The following NCOA6 variants were observed in gnomAD, a reference collection of about 807,000 sequenced individuals.
NCOA6 encodes the protein NRC RAP250.
A neutral mutation model predicts 171.4 loss-of-function variants in NCOA6; 49 were observed. That is an observed-to-expected ratio of 0.29 (90% CI 0.23 to 0.36). The LOEUF (loss-of-function observed/expected upper bound fraction) is 0.36. NCOA6 is among the 10% of genes least tolerant of loss of function. NCOA6 has a pLI of 1.00. For synonymous variants in NCOA6, 910 were observed against 927.5 expected, an observed-to-expected ratio of 0.98 and a Z score of 0.34; for missense variants, 2,248 against 2,554.5, an observed-to-expected ratio of 0.88 and a Z score of 2.59.
At chr20:34,759,853 A>G (rs2076764295) in intron 5 of NCOA6, among the ~76,000 whole-genome samples, 2 of 152,212 alleles carry the variant, frequency 1.3e-5, no homozygotes, top group Admixed American at 6.5e-5. Context: ...ATTTTACTAG[A>G]TATTGGTAAA....
At position 34,793,041 on chromosome 20, in the gene NCOA6, C is replaced by A. The variant is rs141379857; in HGVS notation, c.-163-478G>T. On this transcript the variant is annotated intron_variant, in intron 1 of 14. Coordinates refer to ENST00000359003, the MANE Select transcript of NCOA6 (RefSeq NM_014071.5). Reference sequence around the variant, plus strand: ...CAAGCGATCCACCCGCCTGAGCCTCCCAAAGTGCTGAGATTACAAGCATGA... The same window carrying A: ...CAAGCGATCCACCCGCCTGAGCCTCACAAAGTGCTGAGATTACAAGCATGA... Among the ~76,000 whole-genome samples the A allele has an allele frequency of 1.8e-3, 271 of 152,136 alleles. 1 individual carries two copies. Among genetic ancestry groups the A allele is most frequent in the African/African-American group, 5.8e-3 (241 of 41,496 alleles).
intron 1 of NCOA6, among the ~76,000 whole-genome samples, 174 bp from the exon 2 acceptor site, chr20:34,792,737 A>G (rs2077929514): frequency 6.6e-6 from 1 of 151,804 alleles, no homozygotes. Flanking sequence ...GAATGTTAAA[A>G]CAGGGTTTTC....
intron 12 of NCOA6, among the ~76,000 whole-genome samples, chr20:34,734,449 T>C (rs2075888182): frequency 6.6e-6 from 1 of 152,098 alleles, no homozygotes; most frequent in African/African-American, 2.4e-5. Context: ...CTCAACCTCC[T>C]TGGGGTCAGG....
chr20:34,812,746 T>TC (rs2078707637), intron 1 of NCOA6, among the ~76,000 whole-genome samples: 1 of 152,214 alleles, frequency 6.6e-6, no homozygotes, highest in Non-Finnish European at 1.5e-5. Context: ...TCAGGCGTGG[T>TC]AGCTCACGCC....
chr20:34,768,663 G>T, intron 4 of NCOA6, 77 bp from the exon 5 acceptor site: 1 of 1,512,094 alleles, frequency 6.6e-7, no homozygotes, highest in Non-Finnish European at 9.0e-7. Context: ...CTATATAAGT[G>T]CTTTAGTTTT....
chr20:34,757,558 C>A lies in NCOA6; in HGVS notation c.1190G>T (p.Gly397Val). The A allele has an allele frequency of 6.2e-7, 1 of 1,613,944 alleles. No individual in the cohort carries two copies. Among genetic ancestry groups the A allele is most frequent in the Non-Finnish European group, 8.5e-7 (1 of 1,179,956 alleles). ...CTTCATCTGAGGAGCTGTGAACTGG[C>A]CTGGGTTGCTCATCTGAGGAAAGTT... ...HTNFPQMSNP[G>V]QFTAPQMKSL... The change falls in exon 7 of 15, where the codon GGC (glycine) becomes GTC (valine). Residue 397 changes from glycine to valine, a missense_variant. By Grantham distance (109) the Gly-to-Val change is moderately radical. This residue lies in a region of NCOA6 where 987 missense variants were observed against 1,104.7 expected (regional missense o/e 0.89). Transcript: ENST00000359003.
At chr20:34,748,365 G>C (rs552744035) in intron 9 of NCOA6, among the ~76,000 whole-genome samples, 3 of 152,306 alleles carry the variant, frequency 2.0e-5, no homozygotes, top group Admixed American at 1.3e-4. Flanking sequence ...AGAGGCAAGT[G>C]AGCATGATAT....
In NCOA6 at chr20:34,740,563, G is replaced by A. The variant is rs766006083; in HGVS notation, c.5693C>T (p.Thr1898Ile). Residue 1898 changes from threonine to isoleucine, a missense_variant, in exon 11 of 15, where the codon ACT becomes ATT. Physicochemically the swap from Thr to Ile is moderately conservative, Grantham distance 89. Transcript: ENST00000359003. Reference protein sequence around the residue: ...KMTSSPVGPGTASAGPSLPGG... With the variant: ...KMTSSPVGPGIASAGPSLPGG... ...AGGTAAGCTGGGTCCTGCTGAGGCA[G>A]TGCCCGGGCCCACAGGGCTAGAGGT... 18 of 1,614,166 alleles carry A rather than the reference G, an allele frequency of 1.1e-5. No homozygotes were observed. Among genetic ancestry groups the A allele is most frequent in the Admixed American group, 1.7e-5 (1 of 60,032 alleles).
intron 2 of NCOA6, among the ~76,000 whole-genome samples, chr20:34,789,003 A>T (rs1327410639): frequency 6.6e-6 from 1 of 152,230 alleles, no homozygotes; most frequent in Non-Finnish European, 1.5e-5. Context: ...TGGTGTGCCA[A>T]TGAATTGCTA....
intron 5 of NCOA6, among the ~76,000 whole-genome samples, chr20:34,759,552 T>G (rs1446164019): frequency 6.6e-6 from 1 of 152,234 alleles, no homozygotes; most frequent in Non-Finnish European, 1.5e-5. Context: ...ATAAACATTT[T>G]TTGTATGCTT....
intron 12 of NCOA6, among the ~76,000 whole-genome samples, chr20:34,735,042 T>A (rs989558137): frequency 2.0e-5 from 3 of 152,188 alleles, no homozygotes; most frequent in African/African-American, 7.2e-5. Flanking sequence ...GAAGGTTTGA[T>A]GAAGGTAATC....
intron 11 of NCOA6, among the ~76,000 whole-genome samples, chr20:34,739,767 A>C (rs1349397850): frequency 6.6e-6 from 1 of 152,256 alleles, no homozygotes; most frequent in African/African-American, 2.4e-5. Context: ...AGATGATGCA[A>C]GACAACATAT....
chr20:34,717,267 G>A (rs1568696253), intron 14 of NCOA6, among the ~76,000 whole-genome samples: 1 of 152,056 alleles, frequency 6.6e-6, no homozygotes, highest in Non-Finnish European at 1.5e-5. Flanking sequence ...CCTGACCAAC[G>A]TGGAGAAACC....
chr20:34,781,676 C>T (rs2077520037), intron 3 of NCOA6, among the ~76,000 whole-genome samples: 2 of 152,210 alleles, frequency 1.3e-5, no homozygotes. Flanking sequence ...AGACTGGATC[C>T]AGCAAGCTGT....
intron 14 of NCOA6, among the ~76,000 whole-genome samples, chr20:34,724,361 G>C (rs527784186): frequency 1.8e-4 from 28 of 152,268 alleles, no homozygotes; most frequent in Admixed American, 1.7e-3. Flanking sequence ...GTGAGGCATC[G>C]TGACATTCTT....
chr20:34,789,525 C>T (rs1053716544), intron 2 of NCOA6, among the ~76,000 whole-genome samples: 5 of 152,114 alleles, frequency 3.3e-5, no homozygotes, highest in African/African-American at 1.2e-4. Context: ...GTAATCCCAG[C>T]ACTTTGGGAA....
chr20:34,782,495 T>G lies in NCOA6; in HGVS notation c.-49-91A>C, dbSNP rs2077539648. The G allele has an allele frequency of 8.8e-6, 3 of 339,374 alleles. No homozygotes were observed. The Admixed American group carries it at 1.4e-4, about 16-fold the overall frequency. The allele number at this position is 339,374 out of a possible 1,614,324, so 21.0% of individuals were successfully genotyped here. ...TAGTTCTATGAAAATTATAATTTAT[T>G]TAATAAGAAAATACTATAAAAATTA... On this transcript the variant is annotated intron_variant, in intron 2 of 14. Transcript: ENST00000359003.
chr20:34,825,310 G>A (rs2079121064), intron 1 of NCOA6, among the ~76,000 whole-genome samples, 162 bp downstream of exon 1: 1 of 151,002 alleles, frequency 6.6e-6, no homozygotes, highest in Middle Eastern at 3.5e-3. Flanking sequence ...CGGGCGGGGC[G>A]GCTCCGGGCC....
chr20:34,768,376 C>A, intron 5 of NCOA6, 88 bp downstream of exon 5: 1 of 1,514,048 alleles, frequency 6.6e-7, no homozygotes, highest in Non-Finnish European at 9.0e-7. Context: ...ATGCCATGAA[C>A]CCCCACCTAT....
Sources: allele counts gnomAD v4.1 joint callset (sites outside exome capture counted in the v4.1 genomes callset), GRCh38; gene constraint gnomAD v4.1.1; regional missense constraint gnomAD v4.1.1; transcripts MANE v1.5; gene names NCBI Gene and HGNC (gene_info 2026-07-23, HGNC 2026-07-21).